Variants in GPRC5B observed in about 807,000 individuals in gnomAD.
The protein encoded by GPRC5B is G protein-coupled receptor class C group 5 member B, also known as G protein-coupled receptor family C group 5 member B.
A neutral mutation model predicts 30.1 loss-of-function variants in GPRC5B; 16 were observed. The observed-to-expected ratio is 0.53, with a 90% CI of 0.36 to 0.81. The LOEUF (loss-of-function observed/expected upper bound fraction) is 0.81, where lower values mean the gene tolerates loss of function less well. GPRC5B is among the 30% of genes least tolerant of loss of function. GPRC5B has a pLI of 0.01. For missense variants in GPRC5B, 428 were observed against 544.7 expected, an observed-to-expected ratio of 0.79 and a Z score of 2.13; for synonymous variants, 241 against 239.5, an observed-to-expected ratio of 1.01 and a Z score of -0.06.
intron 2 of GPRC5B, among the ~76,000 whole-genome samples, chr16:19,868,028 T>C (rs1323893427): frequency 6.6e-6 from 1 of 151,988 alleles, no homozygotes; most frequent in Non-Finnish European, 1.5e-5. Flanking sequence ...GACCACACCA[T>C]TGCACTCCAG....
intron 2 of GPRC5B, among the ~76,000 whole-genome samples, chr16:19,871,243 G>A (rs1427988276): frequency 7.7e-6 from 1 of 130,082 alleles, no homozygotes; most frequent in Non-Finnish European, 1.6e-5. Context: ...TGATCACACT[G>A]TTGCACTCAG....
At chr16:19,884,877 G>T (rs1485251963), upstream of GPRC5B, 2 of 980,252 alleles carry the variant, frequency 2.0e-6, no homozygotes, top group Admixed American at 6.3e-5. Flanking sequence ...CGCGCGAGGC[G>T]CCCCCTGGCC....
At chr16:19,866,895 T>C (rs1290783392) in intron 2 of GPRC5B, among the ~76,000 whole-genome samples, 1 of 152,212 alleles carries the variant, frequency 6.6e-6, no homozygotes, top group Non-Finnish European at 1.5e-5. Context: ...GGACTCTTCA[T>C]CATCCCCGCG....
intron 1 of GPRC5B, among the ~76,000 whole-genome samples, chr16:19,873,741 TG>T (rs1041424171): frequency 5.9e-5 from 9 of 152,110 alleles, no homozygotes; most frequent in African/African-American, 2.2e-4. Context: ...ACTCAACTCC[TG>T]GGTGCGACCT....
Position 19,856,714 on chromosome 16 carries a change from C to G in GPRC5B, c.*3786G>C. 1 of 595,366 alleles carries G rather than the reference C, an allele frequency of 1.7e-6. No homozygotes were observed. 36.9% of individuals were successfully genotyped at this position (595,366 alleles called of 1,614,324 possible). A position where few individuals can be genotyped will look rare whatever the true frequency, so the allele number is the denominator to read the frequency against. ...GATTCATTGCAAACAAGCTTTAATG[C>G]AAATAGTTTAGAAAAGAAAGGACCA... On this transcript the variant is annotated 3_prime_UTR_variant, in exon 4 of 4. Transcript: ENST00000300571.
rs1597630274 is a variant in GPRC5B at position 19,872,962 on chromosome 16, A to G, written c.-1-116T>C. On this transcript the variant is annotated intron_variant, in intron 1 of 3. Coordinates refer to ENST00000300571, the MANE Select transcript of GPRC5B (RefSeq NM_016235.3). This position sits in a 1 kb window ranked among gnomAD's most constrained non-coding sequence, Gnocchi z 5.0. Reference sequence around the variant, plus strand: ...CCTCATTTCAAACCTGCAAGCGCACACGGCACCTTTGCACACATAGGAAAA... The same window carrying G: ...CCTCATTTCAAACCTGCAAGCGCACGCGGCACCTTTGCACACATAGGAAAA... 2 of 746,596 alleles carry G rather than the reference A, an allele frequency of 2.7e-6. No homozygotes were observed. The highest frequency in any genetic ancestry group is 5.1e-5 in the East Asian group (2 of 39,062). The allele number at this position is 746,596 out of a possible 1,614,324, so 46.2% of individuals were successfully genotyped here. A position where few individuals can be genotyped will look rare whatever the true frequency, so the allele number is the denominator to read the frequency against.
At position 19,858,531 on chromosome 16, in the gene GPRC5B, G is replaced by T; in HGVS notation, c.*1969C>A. 1.4e-6 allele frequency: 1 copy of T among 693,686 alleles called. No individual in the cohort carries two copies. Among genetic ancestry groups the T allele is most frequent in the Non-Finnish European group, 2.6e-6 (1 of 380,758 alleles). 43.0% of individuals were successfully genotyped at this position (693,686 alleles called of 1,614,324 possible). On this transcript the variant is annotated 3_prime_UTR_variant, in exon 4 of 4. Transcript: ENST00000300571. ...CTCCAAAGGACTCCAGAGAGCGGGG[G>T]TGAGTAACCATTTCCTGGCACGAGA...
chr16:19,873,802 C>A (rs1034741756), intron 1 of GPRC5B, among the ~76,000 whole-genome samples: 1 of 152,076 alleles, frequency 6.6e-6, no homozygotes, highest in African/African-American at 2.4e-5. Flanking sequence ...TTATTTGAGA[C>A]GGAGTCTGTC....
chr16:19,865,979 G>A (rs1443387571), intron 2 of GPRC5B, among the ~76,000 whole-genome samples: 1 of 152,158 alleles, frequency 6.6e-6, no homozygotes, highest in African/African-American at 2.4e-5. Context: ...GCCCAGGCTG[G>A]AGTGCGGTGG....
At chr16:19,883,056 G>A (rs776561055) in intron 1 of GPRC5B, among the ~76,000 whole-genome samples, 1 of 152,014 alleles carries the variant, frequency 6.6e-6, no homozygotes, top group South Asian at 2.1e-4. Flanking sequence ...TTTCCTGGCC[G>A]TCCTCACCCC....
chr16:19,866,867 C>A (rs2056672226), intron 2 of GPRC5B, among the ~76,000 whole-genome samples: 1 of 152,208 alleles, frequency 6.6e-6, no homozygotes, highest in South Asian at 2.1e-4. Context: ...AGGTGTGCCG[C>A]ACCTTATTGA....
In GPRC5B at chr16:19,857,826, A is replaced by T. The variant is rs2056581809; in HGVS notation, c.*2674T>A. On this transcript the variant is annotated 3_prime_UTR_variant, in exon 4 of 4. Coordinates refer to ENST00000300571, the MANE Select transcript of GPRC5B (RefSeq NM_016235.3). ...AACTCTGGAATCCCTGGAGATGCAC[A>T]GAACTTCCCAGTTTGTAAGCTGTCA... The T allele has an allele frequency of 6.5e-6, 1 of 154,438 alleles. No homozygotes were observed. The highest frequency in any genetic ancestry group is 2.4e-5 in the African/African-American group (1 of 41,326). 9.6% of individuals were successfully genotyped at this position (154,438 alleles called of 1,614,324 possible). A position where few individuals can be genotyped will look rare whatever the true frequency, so the allele number is the denominator to read the frequency against.
In GPRC5B at chr16:19,857,371, A is replaced by T. The variant is rs373690802; in HGVS notation, c.*3129T>A. ...TAAAACCTATCTGCCCATGGTTTACAGCCTTTTAAATTTGTAATATTTATA... is the reference window on the plus strand; with the variant it reads ...TAAAACCTATCTGCCCATGGTTTACTGCCTTTTAAATTTGTAATATTTATA... On this transcript the variant is annotated 3_prime_UTR_variant, in exon 4 of 4. Coordinates refer to ENST00000300571, the MANE Select transcript of GPRC5B (RefSeq NM_016235.3). 1.5e-4 allele frequency: 64 copies of T among 416,904 alleles called. No homozygotes were observed. The highest frequency in any genetic ancestry group is 1.2e-3 in the African/African-American group (55 of 47,124). 25.8% of individuals were successfully genotyped at this position (416,904 alleles called of 1,614,324 possible).
In GPRC5B at chr16:19,858,397, G is replaced by A. The variant is rs2056590479; in HGVS notation, c.*2103C>T. On this transcript the variant is annotated 3_prime_UTR_variant, in exon 4 of 4. Coordinates refer to ENST00000300571, the MANE Select transcript of GPRC5B (RefSeq NM_016235.3). ...CTCTGTTCTTATGCTGGGGAAGCAC[G>A]ACTTTCCATGGCAGCCATTTGTGCT... 1 of 496,200 alleles carries A rather than the reference G, an allele frequency of 2.0e-6. No homozygotes were observed. The highest frequency in any genetic ancestry group is 3.6e-6 in the Non-Finnish European group (1 of 275,654). The allele number at this position is 496,200 out of a possible 1,614,324, so 30.7% of individuals were successfully genotyped here.
chr16:19,878,346 C>T (rs187078899), intron 1 of GPRC5B, among the ~76,000 whole-genome samples: 1 of 151,706 alleles, frequency 6.6e-6, no homozygotes, highest in Admixed American at 6.6e-5. Flanking sequence ...CGCTCTGTTG[C>T]CCAGGCTAGA....
At position 19,884,727 on chromosome 16, in the gene GPRC5B, C is replaced by T; in HGVS notation, c.-2G>A. 1.0e-6 allele frequency: 1 copy of T among 985,190 alleles called. No individual in the cohort carries two copies. Among genetic ancestry groups the T allele is most frequent in the Non-Finnish European group, 1.2e-6 (1 of 829,820 alleles). 61.0% of individuals were successfully genotyped at this position (985,190 alleles called of 1,614,324 possible). On this transcript the variant is annotated splice_region_variant and 5_prime_UTR_variant, in exon 1 of 4. Coordinates refer to ENST00000300571, the MANE Select transcript of GPRC5B (RefSeq NM_016235.3). ...CTGCATCGGCGCAGCTCGCACTTAC[C>T]GACCCCCGCGGCCCCGCAGCGCCGA...
At chr16:19,883,300 C>T (rs934543416) in intron 1 of GPRC5B, among the ~76,000 whole-genome samples, 3 of 152,194 alleles carry the variant, frequency 2.0e-5, no homozygotes, top group Non-Finnish European at 4.4e-5. Context: ...CCTGGAATCT[C>T]CTTCCCTTCC....
In GPRC5B at chr16:19,872,327, T is replaced by A. The variant is rs1250680631; in HGVS notation, c.519A>T (p.Gln173His). Residue 173 changes from glutamine (Q) to histidine (H), a missense_variant, in exon 2 of 4, where the codon CAA becomes CAT. Gln to His is a conservative substitution (Grantham distance 24). Coordinates refer to ENST00000300571, the MANE Select transcript of GPRC5B (RefSeq NM_016235.3). The surrounding 1 kb of genome is among the most constrained non-coding windows in gnomAD (Gnocchi z 5.0). ...CCAGCCACTCCACAGCGATGATGACTTGCACCAGCATCAGGCACAGCGCCA... is the reference window on the plus strand; with the variant it reads ...CCAGCCACTCCACAGCGATGATGACATGCACCAGCATCAGGCACAGCGCCA... ...VGLALCLMLV[Q>H]VIIAVEWLVL... 6.2e-7 allele frequency: 1 copy of A among 1,614,010 alleles called. No homozygotes were observed. The highest frequency in any genetic ancestry group is 1.3e-5 in the African/African-American group (1 of 75,042).
rs550548790 is a variant in GPRC5B, at chr16:19,866,051, C to T, written c.1031-4078G>A. Reference sequence around the variant, plus strand: ...TTCAGGCAATTCTGCCTCAGCCTTCCGAGAAGCTGGGATTACAGGCATGCG... The same window carrying T: ...TTCAGGCAATTCTGCCTCAGCCTTCTGAGAAGCTGGGATTACAGGCATGCG... On this transcript the variant is annotated intron_variant, in intron 2 of 3. Coordinates refer to ENST00000300571, the MANE Select transcript of GPRC5B (RefSeq NM_016235.3). Among the ~76,000 whole-genome samples, 221 of 152,166 alleles carry T rather than the reference C, an allele frequency of 1.5e-3. 2 individuals carry two copies. The highest frequency in any genetic ancestry group is 2.6e-3 in the Admixed American group (39 of 15,286).
Sources: allele counts gnomAD v4.1 joint callset (sites outside exome capture counted in the v4.1 genomes callset), GRCh38; gene constraint gnomAD v4.1.1; non-coding constraint Gnocchi (gnomAD v3.1); transcripts MANE v1.5; gene names NCBI Gene and HGNC (gene_info 2026-07-23, HGNC 2026-07-21).